RBFOX1: variants seen among roughly 807,000 people sequenced by gnomAD.
The protein encoded by RBFOX1 is RNA binding protein fox-1 homolog 1.
In RBFOX1, 8 loss-of-function variants were observed where a neutral mutation model predicts 57.7. That is an observed-to-expected ratio of 0.14 (90% confidence interval 0.08 to 0.25). The LOEUF (loss-of-function observed/expected upper bound fraction) is 0.25. RBFOX1 is among the 10% of genes least tolerant of loss of function. The pLI, the probability that RBFOX1 is intolerant of heterozygous loss-of-function variation, is 1.00. For missense variants in RBFOX1, 611 were observed against 548.5 expected (o/e 1.11, Z -1.14); for synonymous variants, 326 against 222.4 (o/e 1.47, Z -4.15).
intron 4 of RBFOX1, among the ~76,000 whole-genome samples, chr16:7,075,501 C>CT (rs1404342836): frequency 3.3e-5 from 5 of 152,210 alleles, no homozygotes; most frequent in African/African-American, 1.2e-4. Context: ...TTTGGCTTCT[C>CT]TTTAAAACAA....
chr16:7,223,458 G>A (rs754693841), intron 4 of RBFOX1, among the ~76,000 whole-genome samples: 2 of 152,090 alleles, frequency 1.3e-5, no homozygotes, highest in South Asian at 2.1e-4. Flanking sequence ...TGACAAATTC[G>A]CATTGGTAAT....
At chr16:7,275,457 G>C (rs1474575736) in intron 4 of RBFOX1, among the ~76,000 whole-genome samples, 1 of 152,146 alleles carries the variant, frequency 6.6e-6, no homozygotes, top group Non-Finnish European at 1.5e-5. Context: ...TAAGTAAGTA[G>C]GGTGTGGATT....
intron 4 of RBFOX1, among the ~76,000 whole-genome samples, chr16:7,094,905 G>T (rs1473482456): frequency 6.6e-6 from 1 of 151,840 alleles, no homozygotes; most frequent in East Asian, 1.9e-4. Flanking sequence ...ACAGACTTTT[G>T]CCCCGTCTCT....
intron 1 of RBFOX1, among the ~76,000 whole-genome samples, chr16:5,243,160 C>T (rs1291427755): frequency 6.6e-6 from 1 of 152,202 alleles, no homozygotes; most frequent in Non-Finnish European, 1.5e-5. Flanking sequence ...TGACCCACAG[C>T]TGTTCCTGGA....
At chr16:6,864,983 G>GTT (rs201161627) in intron 3 of RBFOX1, among the ~76,000 whole-genome samples, 1 of 121,038 alleles carries the variant, frequency 8.3e-6, no homozygotes, top group African/African-American at 3.6e-5. Flanking sequence ...GTTGGAGTGG[G>GTT]TTTTTCTTTT....
At chr16:5,387,271 G>A (rs1187250475) in intron 1 of RBFOX1, among the ~76,000 whole-genome samples, 2 of 152,102 alleles carry the variant, frequency 1.3e-5, no homozygotes, top group Non-Finnish European at 2.9e-5. Flanking sequence ...AGAATCTGCT[G>A]GGAGTTTCAT....
intron 4 of RBFOX1, among the ~76,000 whole-genome samples, chr16:7,471,490 C>T (rs2061545356): frequency 6.6e-6 from 1 of 152,034 alleles, no homozygotes; most frequent in Non-Finnish European, 1.5e-5. Context: ...GGGTGAGGCA[C>T]CCTTGTTAAA....
At chr16:7,201,132 A>T (rs1296963761) in intron 4 of RBFOX1, among the ~76,000 whole-genome samples, 1 of 152,194 alleles carries the variant, frequency 6.6e-6, no homozygotes, top group Non-Finnish European at 1.5e-5. Flanking sequence ...GCTGGAAGAT[A>T]TGAGAGAGAG....
chr16:7,675,074 T>C (rs1315979729), intron 13 of RBFOX1, among the ~76,000 whole-genome samples: 1 of 152,220 alleles, frequency 6.6e-6, no homozygotes, highest in Non-Finnish European at 1.5e-5. Context: ...TAATGTCTTC[T>C]GGAAATCAGC....
chr16:7,083,725 A>G (rs1241533949), intron 4 of RBFOX1, among the ~76,000 whole-genome samples: 1 of 152,104 alleles, frequency 6.6e-6, no homozygotes, highest in Non-Finnish European at 1.5e-5. Context: ...CCCTTTTCCT[A>G]GAGATGGGCA....
chr16:7,542,990 T>C (rs1303737066), intron 5 of RBFOX1, among the ~76,000 whole-genome samples: 1 of 152,152 alleles, frequency 6.6e-6, no homozygotes, highest in Non-Finnish European at 1.5e-5. Flanking sequence ...TGAGGCTGTG[T>C]GGCCCTGTCC....
intron 3 of RBFOX1, among the ~76,000 whole-genome samples, chr16:6,935,846 C>T (rs1052070282): frequency 6.6e-6 from 1 of 152,142 alleles, no homozygotes; most frequent in African/African-American, 2.4e-5. Flanking sequence ...GCCAGGATAC[C>T]TGTGGTCTAG....
intron 2 of RBFOX1, among the ~76,000 whole-genome samples, chr16:6,614,482 C>G (rs1235976479): frequency 1.3e-5 from 2 of 152,190 alleles, no homozygotes; most frequent in Non-Finnish European, 2.9e-5. Context: ...CAGGACAAAC[C>G]AATCACTGCG....
chr16:6,781,999 G>C (rs1366209706), intron 3 of RBFOX1, among the ~76,000 whole-genome samples: 1 of 151,824 alleles, frequency 6.6e-6, no homozygotes, highest in Non-Finnish European at 1.5e-5. Flanking sequence ...GTTTTTTGTT[G>C]CTGCTGTTGT....
intron 2 of RBFOX1, among the ~76,000 whole-genome samples, chr16:6,471,691 A>G (rs1597722183): frequency 6.6e-6 from 1 of 152,084 alleles, no homozygotes; most frequent in East Asian, 1.9e-4. Flanking sequence ...ATGAAAGACC[A>G]TGAGCCACAG....
At chr16:6,119,885 A>G (rs189160423) in intron 1 of RBFOX1, among the ~76,000 whole-genome samples, 2 of 152,322 alleles carry the variant, frequency 1.3e-5, no homozygotes, top group Non-Finnish European at 2.9e-5. Flanking sequence ...CAGTTCTAAG[A>G]CATTTTTATC....
intron 2 of RBFOX1, among the ~76,000 whole-genome samples, chr16:6,453,905 T>A (rs1018347180): frequency 6.6e-6 from 1 of 152,254 alleles, no homozygotes; most frequent in Non-Finnish European, 1.5e-5. Context: ...TGCCACAGAC[T>A]GTTTGGCTTA....
intron 13 of RBFOX1, among the ~76,000 whole-genome samples, chr16:7,667,745 T>C (rs1313647500): frequency 2.0e-5 from 3 of 152,130 alleles, no homozygotes; most frequent in African/African-American, 7.2e-5. Flanking sequence ...CGGTGCAATG[T>C]CATCTGTCTG....
At chr16:5,677,638 C>A (rs2050207592) in intron 3 of RBFOX1, among the ~76,000 whole-genome samples, 1 of 152,208 alleles carries the variant, frequency 6.6e-6, no homozygotes, top group Non-Finnish European at 1.5e-5. Context: ...CAGGCATATT[C>A]CCTGCGCTCA....
Sources: allele counts gnomAD v4.1 joint callset (sites outside exome capture counted in the v4.1 genomes callset), GRCh38; gene constraint gnomAD v4.1.1; transcripts MANE v1.5; gene names NCBI Gene and HGNC (gene_info 2026-07-23, HGNC 2026-07-21).